SPATA6L: variants seen among roughly 807,000 people sequenced by gnomAD.
SPATA6L encodes spermatogenesis associated 6-like protein.
A neutral mutation model predicts 49.2 loss-of-function variants in SPATA6L; 68 were observed. That is an observed-to-expected ratio of 1.38 (90% CI 1.14 to 1.69). SPATA6L has a LOEUF of 1.69. Ranked by LOEUF, SPATA6L falls within the 40% of genes most tolerant of loss-of-function variation. SPATA6L has a pLI of 0.00. For missense variants in SPATA6L, 668 were observed against 464.3 expected (o/e 1.44, Z -4.03); for synonymous variants, 198 against 165.7 (o/e 1.19, Z -1.50).
At chr9:4,631,453 ATAT>A (rs1227629559) in intron 4 of SPATA6L, among the ~76,000 whole-genome samples, 1 of 152,054 alleles carries the variant, frequency 6.6e-6, no homozygotes, top group African/African-American at 2.4e-5. Flanking sequence ...TGAGACAGTA[ATAT>A]TATATATTAT....
Position 4,629,107 on chromosome 9 carries a change from T to C in SPATA6L, c.413A>G (p.His138Arg), listed in dbSNP as rs370798984. Residue 138 changes from histidine (H) to arginine (R), a missense_variant, in exon 5 of 12, where the codon CAT becomes CGT. Coordinates refer to ENST00000682582, the MANE Select transcript of SPATA6L (RefSeq NM_001353486.2). ...RTAIRECVFLHRNRFLEERHE... is the reference protein window; with the variant it reads ...RTAIRECVFLRRNRFLEERHE... ...TGTACTTACAAGAAATCTGTTTCTA[T>C]GCAGAAACACACATTCTCTGATGGC... 84 of 1,606,892 alleles carry C rather than the reference T, an allele frequency of 5.2e-5. No individual in the cohort carries two copies. Among genetic ancestry groups the C allele is most frequent in the Non-Finnish European group, 6.6e-5 (78 of 1,174,876 alleles).
intron 3 of SPATA6L, among the ~76,000 whole-genome samples, chr9:4,645,948 C>A (rs1835283128): frequency 6.6e-6 from 1 of 152,112 alleles, no homozygotes; most frequent in African/African-American, 2.4e-5. Flanking sequence ...CGAAAACCAA[C>A]TGAATTGTAC....
chr9:4,642,965 C>T (rs12346957), intron 3 of SPATA6L, among the ~76,000 whole-genome samples: 13,883 of 152,150 alleles, frequency 0.091, 1,190 homozygotes, highest in African/African-American at 0.22. Context: ...GTCACAGTCA[C>T]ATCTAAAAGG....
rs905629115 is a variant in SPATA6L at position 4,632,034 on chromosome 9, CTTTTTT to C, written c.352-2872_352-2867del. 7.1e-3 allele frequency among the ~76,000 whole-genome samples: 797 copies of C among 113,010 alleles called. 11 individuals carry two copies. The highest frequency in any genetic ancestry group is 0.026 in the African/African-American group (725 of 27,420). 74.1% of individuals were successfully genotyped at this position (113,010 alleles called of 152,430 possible). ...GTGAGCACACAGTGAACATCAGCTA[CTTTTTT>C]TTTTTTTTTTTTTTTTTGAGATGCA... On this transcript the variant is annotated intron_variant, in intron 4 of 11. Coordinates refer to ENST00000682582, the MANE Select transcript of SPATA6L (RefSeq NM_001353486.2).
chr9:4,611,485 C>T (rs1418056501), intron 9 of SPATA6L, among the ~76,000 whole-genome samples: 2 of 149,350 alleles, frequency 1.3e-5, no homozygotes, highest in African/African-American at 5.2e-5. Flanking sequence ...ATGATGAGTT[C>T]ATGTCCTTTG....
At chr9:4,595,584 A>T (rs142898430), downstream of SPATA6L, among the ~76,000 whole-genome samples, 607 of 152,220 alleles carry the variant, frequency 4.0e-3, 4 homozygotes, top group African/African-American at 0.014. Flanking sequence ...TCTTCTCTAT[A>T]TACATATGCT....
At chr9:4,623,883 G>T (rs1469558599) in intron 6 of SPATA6L, among the ~76,000 whole-genome samples, 1 of 152,184 alleles carries the variant, frequency 6.6e-6, no homozygotes, top group African/African-American at 2.4e-5. Flanking sequence ...ATGGTTACAT[G>T]TTTAAAGATT....
chr9:4,659,761 C>A (rs1191804840), intron 2 of SPATA6L, among the ~76,000 whole-genome samples: 3 of 152,178 alleles, frequency 2.0e-5, no homozygotes, highest in Non-Finnish European at 2.9e-5. Flanking sequence ...AAGCATCACG[C>A]TACCTGACTT....
chr9:4,654,004 TC>T (rs904558747), intron 3 of SPATA6L, among the ~76,000 whole-genome samples: 1 of 152,082 alleles, frequency 6.6e-6, no homozygotes, highest in African/African-American at 2.4e-5. Flanking sequence ...AATAGACATT[TC>T]CCCCAAAGAA....
rs2200389 is a variant in SPATA6L, at chr9:4,599,178, C to T, written c.*1633G>A. ...AGTTTCGAATGCATTTGACTGCACC[C>T]TGCCACATGCAGTCAGATGTGGAAT... On this transcript the variant is annotated 3_prime_UTR_variant, in exon 12 of 12. Coordinates refer to ENST00000682582, the MANE Select transcript of SPATA6L (RefSeq NM_001353486.2). Among the ~76,000 whole-genome samples the T allele has an allele frequency of 6.6e-6, 1 of 151,954 alleles. No homozygotes were observed. The highest frequency in any genetic ancestry group is 2.4e-5 in the African/African-American group (1 of 41,346).
At chr9:4,615,232 G>T (rs1827695631) in intron 9 of SPATA6L, among the ~76,000 whole-genome samples, 1 of 152,152 alleles carries the variant, frequency 6.6e-6, no homozygotes, top group Non-Finnish European at 1.5e-5. Context: ...TATTCACAAA[G>T]TGCTGCTTTG....
intron 3 of SPATA6L, among the ~76,000 whole-genome samples, chr9:4,646,123 T>TACACACACAC (rs112163366): frequency 2.8e-3 from 420 of 149,516 alleles, no homozygotes; most frequent in African/African-American, 9.3e-3. Flanking sequence ...CTTAGGGTTT[T>TACACACACAC]ACACACACAC....
In SPATA6L at chr9:4,629,076, T is replaced by C; in HGVS notation, c.429+15A>G. The C allele has an allele frequency of 1.3e-6, 2 of 1,562,442 alleles. No homozygotes were observed. Among genetic ancestry groups the C allele is most frequent in the Non-Finnish European group, 1.7e-6 (2 of 1,145,540 alleles). On this transcript the variant is annotated intron_variant, in intron 5 of 11. Coordinates refer to ENST00000682582, the MANE Select transcript of SPATA6L (RefSeq NM_001353486.2). Reference sequence around the variant, plus strand: ...AATCCGGTCATTTCTATCACTAGATTTGTATTGTACTTACAAGAAATCTGT... The same window carrying C: ...AATCCGGTCATTTCTATCACTAGATCTGTATTGTACTTACAAGAAATCTGT...
At chr9:4,648,708 A>AATAC (rs1836060838) in intron 3 of SPATA6L, among the ~76,000 whole-genome samples, 1 of 85,002 alleles carries the variant, frequency 1.2e-5, no homozygotes, top group African/African-American at 1.1e-4. Flanking sequence ...TCGAAAAATA[A>AATAC]ATAAATTAAA....
chr9:4,632,734 T>C (rs1831890457), intron 4 of SPATA6L, among the ~76,000 whole-genome samples: 4 of 152,192 alleles, frequency 2.6e-5, no homozygotes, highest in South Asian at 2.1e-4. Flanking sequence ...AAACTCAACA[T>C]ATGTGATGTT....
downstream of SPATA6L, among the ~76,000 whole-genome samples, chr9:4,598,017 G>A (rs553157601): frequency 2.7e-4 from 41 of 152,144 alleles, no homozygotes; most frequent in South Asian, 8.3e-4. Flanking sequence ...CCTAAAACCC[G>A]CCACCTCTTT....
intron 2 of SPATA6L, among the ~76,000 whole-genome samples, chr9:4,660,732 G>T (rs12347049): frequency 1.3e-5 from 2 of 152,296 alleles, no homozygotes; most frequent in African/African-American, 4.8e-5. Flanking sequence ...ACATGCACAC[G>T]TATGTTTATT....
intron 6 of SPATA6L, among the ~76,000 whole-genome samples, chr9:4,623,062 C>G (rs1829692733): frequency 6.6e-6 from 1 of 152,162 alleles, no homozygotes; most frequent in African/African-American, 2.4e-5. Flanking sequence ...GGTGGATCAC[C>G]TGAGGTCGGG....
intron 9 of SPATA6L, among the ~76,000 whole-genome samples, chr9:4,605,942 C>T (rs1463024437): frequency 6.6e-6 from 1 of 152,146 alleles, no homozygotes; most frequent in African/African-American, 2.4e-5. Context: ...GGGCGCAGGC[C>T]AGTGTGTGCG....
Sources: allele counts gnomAD v4.1 joint callset (sites outside exome capture counted in the v4.1 genomes callset), GRCh38; gene constraint gnomAD v4.1.1; transcripts MANE v1.5; gene names NCBI Gene and HGNC (gene_info 2026-07-23, HGNC 2026-07-21).